Variants in DTNA observed in about 807,000 individuals in gnomAD.
DTNA encodes dystrophin-related protein 3.
A neutral mutation model predicts 100.7 loss-of-function variants in DTNA; 43 were observed. The observed-to-expected ratio is 0.43, with a 90% CI of 0.33 to 0.55. DTNA has a LOEUF of 0.55. Among genes scored for constraint, DTNA ranks in the 20% least tolerant of loss-of-function variants. DTNA has a pLI of 0.04. For missense variants in DTNA, 798 were observed against 953.9 expected, an observed-to-expected ratio of 0.84 and a Z score of 2.15; for synonymous variants, 349 against 347.9, an observed-to-expected ratio of 1.00 and a Z score of -0.04.
At position 34,776,620 on chromosome 18, in the gene DTNA, C is replaced by T. The variant is rs529552492; in HGVS notation, c.148+10579C>T. Among the ~76,000 whole-genome samples, 186 of 152,308 alleles carry T rather than the reference C, an allele frequency of 1.2e-3. 1 individual carries two copies. The highest frequency in any genetic ancestry group is 4.1e-3 in the African/African-American group (169 of 41,568). ...CCTCCCAAAGTGCTGGGATTACAGG[C>T]ATAAGCCACCGTGCCTGGCCCACAT... On this transcript the variant is annotated intron_variant, in intron 3 of 22. Coordinates refer to ENST00000444659, the MANE Select transcript of DTNA (RefSeq NM_001386795.1).
At chr18:34,502,845 G>T (rs1206902057) in intron 1 of DTNA, among the ~76,000 whole-genome samples, 2 of 152,180 alleles carry the variant, frequency 1.3e-5, no homozygotes, top group Non-Finnish European at 2.9e-5. Flanking sequence ...TTTCGGGGTA[G>T]AGTGTTCTAT....
At chr18:34,597,532 G>A (rs1200074290) in intron 1 of DTNA, among the ~76,000 whole-genome samples, 3 of 152,054 alleles carry the variant, frequency 2.0e-5, no homozygotes, top group Non-Finnish European at 4.4e-5. Flanking sequence ...AAAAACTATA[G>A]ACTTCAATTA....
At chr18:34,510,322 C>T (rs980491579) in intron 1 of DTNA, among the ~76,000 whole-genome samples, 6 of 151,862 alleles carry the variant, frequency 4.0e-5, no homozygotes, top group Admixed American at 6.6e-5. Context: ...GTTTTCATCC[C>T]TCAGTACCCC....
At chr18:34,819,026 T>C (rs921841349) in intron 8 of DTNA, among the ~76,000 whole-genome samples, 1 of 152,192 alleles carries the variant, frequency 6.6e-6, no homozygotes. Flanking sequence ...TTATCTTCGT[T>C]AAACTCAAAG....
chr18:34,836,479 C>G (rs1479273095), intron 11 of DTNA, among the ~76,000 whole-genome samples: 1 of 151,942 alleles, frequency 6.6e-6, no homozygotes, highest in Non-Finnish European at 1.5e-5. Flanking sequence ...GAAACCCCAT[C>G]TCTACTAAAA....
chr18:34,682,806 G>A, intron 1 of DTNA, among the ~76,000 whole-genome samples: 1 of 151,624 alleles, frequency 6.6e-6, no homozygotes, highest in Non-Finnish European at 1.5e-5. Context: ...GTCTTCGCTT[G>A]TCATTCTCTT....
intron 2 of DTNA, among the ~76,000 whole-genome samples, chr18:34,761,618 T>C (rs1219989593): frequency 6.6e-6 from 1 of 152,224 alleles, no homozygotes; most frequent in Non-Finnish European, 1.5e-5. Flanking sequence ...ATCTGTGTCT[T>C]TGCTGTCCTA....
intron 1 of DTNA, among the ~76,000 whole-genome samples, chr18:34,607,789 G>A (rs2053437514): frequency 6.6e-6 from 1 of 152,098 alleles, no homozygotes; most frequent in Non-Finnish European, 1.5e-5. Flanking sequence ...GGGGTACTTT[G>A]TTTCCCATGC....
At chr18:34,557,709 G>T (rs1481031617) in intron 1 of DTNA, among the ~76,000 whole-genome samples, 1 of 151,456 alleles carries the variant, frequency 6.6e-6, no homozygotes. Flanking sequence ...ACCCACTTGA[G>T]GAGGCAGTCT....
At chr18:34,495,015 G>A (rs73949324) in intron 1 of DTNA, among the ~76,000 whole-genome samples, 8,567 of 152,156 alleles carry the variant, frequency 0.056, 550 homozygotes, top group African/African-American at 0.17. Context: ...AAGGGAGTAG[G>A]TAATGTTATT....
chr18:34,619,167 A>G (rs1229928454), intron 1 of DTNA, among the ~76,000 whole-genome samples: 1 of 152,220 alleles, frequency 6.6e-6, no homozygotes, highest in Non-Finnish European at 1.5e-5. Context: ...CAAATGGTTT[A>G]GCATTGCTAA....
At chr18:34,596,480 A>G (rs2050633026) in intron 1 of DTNA, among the ~76,000 whole-genome samples, 1 of 152,120 alleles carries the variant, frequency 6.6e-6, no homozygotes, top group Non-Finnish European at 1.5e-5. Flanking sequence ...CAGCTTCCCA[A>G]AGTGCTGGGA....
At chr18:34,647,987 A>C (rs1390975986) in intron 1 of DTNA, among the ~76,000 whole-genome samples, 1 of 152,256 alleles carries the variant, frequency 6.6e-6, no homozygotes, top group Non-Finnish European at 1.5e-5. Context: ...TTTGGCAATC[A>C]GGGAAGGTCT....
At chr18:34,557,437 A>T (rs1233141122) in intron 1 of DTNA, among the ~76,000 whole-genome samples, 1 of 151,890 alleles carries the variant, frequency 6.6e-6, no homozygotes, top group Non-Finnish European at 1.5e-5. Flanking sequence ...GGAGGAGGAG[A>T]GGCGCTCTGC....
intron 1 of DTNA, among the ~76,000 whole-genome samples, chr18:34,571,211 T>C (rs1036427549): frequency 6.6e-6 from 1 of 152,182 alleles, no homozygotes; most frequent in Non-Finnish European, 1.5e-5. Context: ...CCCAAGTCTG[T>C]ACCCCACTTA....
intron 1 of DTNA, among the ~76,000 whole-genome samples, chr18:34,654,979 G>A (rs1389026687): frequency 1.3e-5 from 2 of 151,952 alleles, no homozygotes; most frequent in African/African-American, 2.4e-5. Context: ...CACCTGCCTC[G>A]GCCTCCCAAA....
At chr18:34,884,660 T>G (rs2096905712) in intron 21 of DTNA, 68 bp from the exon 22 acceptor site, 3 of 1,561,388 alleles carry the variant, frequency 1.9e-6, no homozygotes, top group Non-Finnish European at 2.6e-6. Context: ...GCCAAATAAT[T>G]CACCAGCTTG....
chr18:34,737,927 A>G (rs1425586612), intron 1 of DTNA: 1 of 152,194 alleles, frequency 6.6e-6, no homozygotes, highest in Non-Finnish European at 1.5e-5. Context: ...TGAAGATTTT[A>G]TGACAATTGC....
intron 1 of DTNA, among the ~76,000 whole-genome samples, chr18:34,577,304 A>G (rs572914004): frequency 8.9e-4 from 135 of 152,280 alleles, no homozygotes; most frequent in Non-Finnish European, 1.6e-3. Flanking sequence ...AAATATTTTT[A>G]TGGTATATCT....
Sources: allele counts gnomAD v4.1 joint callset (sites outside exome capture counted in the v4.1 genomes callset), GRCh38; gene constraint gnomAD v4.1.1; transcripts MANE v1.5; gene names NCBI Gene and HGNC (gene_info 2026-07-23, HGNC 2026-07-21).